The following ABCC6 variants were observed in gnomAD, a reference collection of about 807,000 sequenced individuals.
ABCC6 encodes ATP binding cassette subfamily C member 6, also known as ATP-binding cassette sub-family C member 6.
Under a neutral mutation model 169.5 loss-of-function variants are expected in ABCC6, and 126 were observed. The ratio of observed to expected loss-of-function variants is 0.74; its 90% confidence interval spans 0.64 to 0.86. The LOEUF is 0.86. Ranked by LOEUF, ABCC6 falls within the 40% of genes least tolerant of loss-of-function variation. The probability of loss-of-function intolerance (pLI) is 0.00; values close to 1 mark genes in which losing one functional copy is unlikely to be tolerated. For missense variants in ABCC6, 1,733 were observed against 1,927.2 expected (o/e 0.90, Z 1.89); for synonymous variants, 752 against 814.7 (o/e 0.92, Z 1.31).
Position 16,175,957 on chromosome 16 carries a change from G to C in ABCC6, c.2620C>G (p.Pro874Ala), listed in dbSNP as rs758275685. ...ETEPGTSTKDPRGTSAGRRPE... is the reference protein window; with the variant it reads ...ETEPGTSTKDARGTSAGRRPE... ...CTCCTGCCTGCAGAGGTGCCTCTGG[G>C]GTCCTTGGTGCTGGTCCCAGGTTCT... Residue 874 changes from proline (P) to alanine (A), a missense_variant, in exon 20 of 31, where the codon CCC becomes GCC. By Grantham distance (27) the Pro-to-Ala change is conservative (BLOSUM62 -1). Transcript: ENST00000205557. 1 of 1,614,116 alleles carries C rather than the reference G, an allele frequency of 6.2e-7. No individual in the cohort carries two copies. Among genetic ancestry groups the C allele is most frequent in the Non-Finnish European group, 8.5e-7 (1 of 1,180,032 alleles).
rs980307006 is a variant in ABCC6 at position 16,200,659 on chromosome 16, G to A, written c.1176+1342C>T. ...GAGCCTGGGATGCAGCACTCTGGCA[G>A]GAAAGCATCAAGAGCTGCCCTCTCG... On this transcript the variant is annotated intron_variant, in intron 9 of 30. Coordinates refer to ENST00000205557, the MANE Select transcript of ABCC6 (RefSeq NM_001171.6). Among the ~76,000 whole-genome samples the A allele has an allele frequency of 6.3e-5, 9 of 142,802 alleles. 1 individual carries two copies. The highest frequency in any genetic ancestry group is 2.0e-4 in the African/African-American group (8 of 39,862). 93.7% of individuals were successfully genotyped at this position (142,802 alleles called of 152,430 possible).
intron 27 of ABCC6, among the ~76,000 whole-genome samples, chr16:16,155,966 A>T (rs1460715183): frequency 6.6e-6 from 1 of 152,154 alleles, no homozygotes; most frequent in Non-Finnish European, 1.5e-5. Flanking sequence ...CCCAGGCTGG[A>T]GTGCAGTGGT....
chr16:16,195,869 C>A (rs12920589), intron 10 of ABCC6, among the ~76,000 whole-genome samples: 1 of 152,120 alleles, frequency 6.6e-6, no homozygotes, highest in Non-Finnish European at 1.5e-5. Context: ...CATGAGCATT[C>A]GAGTTTTTTT....
intron 8 of ABCC6, 139 bp downstream of exon 8, chr16:16,203,271 G>A: frequency 6.8e-7 from 1 of 1,461,652 alleles, no homozygotes; most frequent in Non-Finnish European, 9.4e-7. Context: ...CCCTTCCTCA[G>A]TGTCCTTCTC....
Position 16,221,697 on chromosome 16 carries a change from G to A in ABCC6, c.171C>T (p.His57=), listed in dbSNP as rs762176272. 6.2e-7 allele frequency: 1 copy of A among 1,613,924 alleles called. No homozygotes were observed. Among genetic ancestry groups the A allele is most frequent in the South Asian group, 1.1e-5 (1 of 91,058 alleles). Residue 57 remains histidine (H), a synonymous_variant, in exon 2 of 31, where the codon CAC becomes CAT. Coordinates refer to ENST00000205557, the MANE Select transcript of ABCC6 (RefSeq NM_001171.6). ...ACATCCGGAGGTAGCCCCGGCCATGGTGGTGGATGAAGAGGAGGTAGATGG... is the reference window on the plus strand; with the variant it reads ...ACATCCGGAGGTAGCCCCGGCCATGATGGTGGATGAAGAGGAGGTAGATGG... ...LGPIYLLFIH[H]HGRGYLRMSP...
In ABCC6 at chr16:16,165,672, A is replaced by G. The variant is rs777650741; in HGVS notation, c.3257T>C (p.Leu1086Pro). The G allele has an allele frequency of 6.2e-7, 1 of 1,612,590 alleles. No individual in the cohort carries two copies. Reference sequence around the variant, plus strand: ...CAGTGGCAGGATGGCCACAGTGGCCAGTGGGGTAGCCACTGCCACCACCAG... The same window carrying G: ...CAGTGGCAGGATGGCCACAGTGGCCGGTGGGGTAGCCACTGCCACCACCAG... ...VSLVVAVATP[L>P]ATVAILPLFL... Residue 1086 changes from leucine to proline, a missense_variant, in exon 23 of 31, where the codon CTG (leucine) becomes CCG (proline). Leu to Pro is a moderately conservative substitution (Grantham distance 98). This residue lies in a region of ABCC6 where 1,601 missense variants were observed against 1,635.5 expected (regional missense o/e 0.98). Transcript: ENST00000205557.
chr16:16,170,473 A>G (rs1238044011), intron 21 of ABCC6, among the ~76,000 whole-genome samples: 1 of 152,110 alleles, frequency 6.6e-6, no homozygotes, highest in Non-Finnish European at 1.5e-5. Flanking sequence ...TTTCACAGAT[A>G]AGGAAACTGA....
rs1342646819 is a variant in ABCC6, at chr16:16,169,823, G to A, written c.2818C>T (p.Arg940Cys). 6.4e-6 allele frequency: 10 copies of A among 1,560,064 alleles called. No homozygotes were observed. The East Asian group carries it at 1.2e-4, about 19-fold the overall frequency. Reference protein sequence around the residue: ...VKATVHLAYLRAVGTPLCLYA... With the variant: ...VKATVHLAYLCAVGTPLCLYA... ...AGGCAGAGGGGGGTGCCCACGGCAC[G>A]CAGGTAGGCCAGGTGCACTGTGGCC... The change falls in exon 22 of 31, where the codon CGT (arginine) becomes TGT (cysteine). Residue 940 changes from arginine (R) to cysteine (C), a missense_variant. By Grantham distance (180) the Arg-to-Cys change is radical (BLOSUM62 -3). Coordinates refer to ENST00000205557, the MANE Select transcript of ABCC6 (RefSeq NM_001171.6).
At chr16:16,183,080 C>A in intron 15 of ABCC6, 150 bp from the exon 16 acceptor site, 1 of 1,240,926 alleles carries the variant, frequency 8.1e-7, no homozygotes, top group Non-Finnish European at 1.2e-6. Context: ...CCTTGTCTAG[C>A]TATTTGAGGA....
intron 1 of ABCC6, chr16:16,222,933 C>G: frequency 4.6e-6 from 1 of 216,182 alleles, no homozygotes; most frequent in Non-Finnish European, 9.5e-6. Context: ...AGCAGCATGG[C>G]ACAAGGTTGG....
intron 27 of ABCC6, among the ~76,000 whole-genome samples, chr16:16,156,455 C>G (rs1242996233): frequency 1.3e-5 from 2 of 152,186 alleles, no homozygotes; most frequent in South Asian, 2.1e-4. Context: ...CATGTGCCCC[C>G]CTGGCCGAGA....
chr16:16,192,481 AC>A (rs2047894578), intron 11 of ABCC6, among the ~76,000 whole-genome samples: 9 of 152,202 alleles, frequency 5.9e-5, no homozygotes, highest in Admixed American at 5.9e-4. Context: ...TGCTGCTGTG[AC>A]CTGGGTTAGA....
chr16:16,200,990 G>A (rs2048218485), intron 9 of ABCC6, among the ~76,000 whole-genome samples: 1 of 151,776 alleles, frequency 6.6e-6, no homozygotes, highest in Non-Finnish European at 1.5e-5. Context: ...GTTCTGAGAC[G>A]AGGTCTCGCT....
intron 21 of ABCC6, among the ~76,000 whole-genome samples, chr16:16,171,546 G>A (rs1320267099): frequency 6.6e-6 from 1 of 152,220 alleles, no homozygotes. Flanking sequence ...GAGAGGGTAG[G>A]TGGGTGAATA....
In ABCC6 at chr16:16,149,658, T is replaced by G; in HGVS notation, c.*475A>C. 3.6e-6 allele frequency: 1 copy of G among 279,248 alleles called. No individual in the cohort carries two copies. The highest frequency in any genetic ancestry group is 4.7e-5 in the Admixed American group (1 of 21,408). The allele number at this position is 279,248 out of a possible 1,614,324, so 17.3% of individuals were successfully genotyped here. ...CCTAGAGTTTTGCAAGATGTTACCATTGGGTGAAATGGGGTACCAAGTACA... is the reference window on the plus strand; with the variant it reads ...CCTAGAGTTTTGCAAGATGTTACCAGTGGGTGAAATGGGGTACCAAGTACA... On this transcript the variant is annotated 3_prime_UTR_variant, in exon 31 of 31. Transcript: ENST00000205557.
Position 16,159,530 on chromosome 16 carries a change from G to A in ABCC6, c.3687C>T (p.Ser1229=). 1 of 1,614,140 alleles carries A rather than the reference G, an allele frequency of 6.2e-7. No individual in the cohort carries two copies. Among genetic ancestry groups the A allele is most frequent in the African/African-American group, 1.3e-5 (1 of 75,042 alleles). Residue 1229 remains serine (S), a synonymous_variant, in exon 26 of 31, where the codon AGC becomes AGT. Coordinates refer to ENST00000205557, the MANE Select transcript of ABCC6 (RefSeq NM_001171.6). ...VVRNWTDLEN[S]IVSVERMQDY... ...CCTGCATCCGCTCCACTGACACGAT[G>A]CTGTTCTCTAGGTCTGTCCAGTTGC... is the stretch of plus-strand genomic sequence containing the variant.
chr16:16,179,081 T>A, intron 17 of ABCC6, 116 bp from the exon 18 acceptor site: 1 of 1,178,986 alleles, frequency 8.5e-7, no homozygotes, highest in Non-Finnish European at 1.2e-6. Flanking sequence ...CAGCTCAACA[T>A]GCCTATTCCC....
Position 16,182,404 on chromosome 16 carries a change from ACT to A in ABCC6, c.2247+6_2247+7del. ...CTCCCTGTCCCAAAAAGACCCCCAA[ACT>A]CTCACCTGCTCCCCAATTGAAGTGT... On this transcript the variant is annotated splice_donor_region_variant and intron_variant, in intron 17 of 30. Transcript: ENST00000205557. 1 of 1,612,992 alleles carries A rather than the reference ACT, an allele frequency of 6.2e-7. No individual in the cohort carries two copies. The highest frequency in any genetic ancestry group is 8.5e-7 in the Non-Finnish European group (1 of 1,179,906).
chr16:16,198,127 T>C lies in ABCC6; in HGVS notation c.1232A>G (p.Asn411Ser), dbSNP rs756831300. The stretch of plus-strand genomic sequence containing the variant: ...CCGCTGCACGTCCACGGACACCAGA[T>C]TGACCACATCACCCACCGCACTGGC... ...RKASAVGDVVNLVSVDVQRLT... is the reference protein window; with the variant it reads ...RKASAVGDVVSLVSVDVQRLT... Residue 411 changes from asparagine (N) to serine (S), a missense_variant, in exon 10 of 31, where the codon AAT becomes AGT. Coordinates refer to ENST00000205557, the MANE Select transcript of ABCC6 (RefSeq NM_001171.6). The C allele has an allele frequency of 4.7e-5, 76 of 1,611,654 alleles. No homozygotes were observed. The highest frequency in any genetic ancestry group is 9.9e-5 in the South Asian group (9 of 90,540).
Sources: allele counts gnomAD v4.1 joint callset (sites outside exome capture counted in the v4.1 genomes callset), GRCh38; gene constraint gnomAD v4.1.1; regional missense constraint gnomAD v4.1.1; transcripts MANE v1.5; gene names NCBI Gene and HGNC (gene_info 2026-07-23, HGNC 2026-07-21).